SCIN: variants seen among roughly 807,000 people sequenced by gnomAD.
SCIN encodes the protein scinderin, also known as adseverin.
Under a neutral mutation model 91.8 loss-of-function variants are expected in SCIN, and 91 were observed. The observed-to-expected ratio is 0.99, with a 90% CI of 0.84 to 1.18. The LOEUF is 1.18. Among genes scored for constraint, SCIN ranks in the 50% most tolerant of loss-of-function variants. SCIN has a pLI of 0.00. For synonymous variants in SCIN, 367 were observed against 312.6 expected (o/e 1.17, Z -1.84); for missense variants, 1,087 against 863.9 (o/e 1.26, Z -3.24).
chr7:12,619,432 G>T (rs1234719200), intron 4 of SCIN, among the ~76,000 whole-genome samples: 1 of 152,094 alleles, frequency 6.6e-6, no homozygotes, highest in Non-Finnish European at 1.5e-5. Flanking sequence ...AGGATTAAGA[G>T]AGTAAAAGAG....
intron 5 of SCIN, 149 bp from the exon 6 acceptor site, chr7:12,624,861 C>T (rs1004750916): frequency 4.2e-5 from 25 of 601,176 alleles, no homozygotes; most frequent in Non-Finnish European, 4.9e-5. Flanking sequence ...ATAATTTATA[C>T]ACCATAAAAT....
intron 3 of SCIN, among the ~76,000 whole-genome samples, chr7:12,603,624 C>T (rs891245130): frequency 1.3e-5 from 2 of 152,000 alleles, no homozygotes; most frequent in African/African-American, 2.4e-5. Flanking sequence ...TATTATTTTA[C>T]GTTTGTATCC....
At chr7:12,591,537 A>G (rs965549119) in intron 3 of SCIN, among the ~76,000 whole-genome samples, 1 of 152,130 alleles carries the variant, frequency 6.6e-6, no homozygotes. Context: ...TCAGCAGTAT[A>G]GAGAGTGAAA....
chr7:12,647,575 T>C (rs1407108480), intron 13 of SCIN, among the ~76,000 whole-genome samples: 1 of 152,190 alleles, frequency 6.6e-6, no homozygotes, highest in Admixed American at 6.5e-5. Context: ...ACCTACTTCA[T>C]AGAGCTGTGA....
chr7:12,619,610 G>T (rs1046408248), intron 4 of SCIN, among the ~76,000 whole-genome samples: 1 of 152,098 alleles, frequency 6.6e-6, no homozygotes, highest in Non-Finnish European at 1.5e-5. Context: ...CTCTGAAGCT[G>T]GTCGATTATT....
At chr7:12,627,590 A>T (rs189190335) in intron 8 of SCIN, among the ~76,000 whole-genome samples, 1 of 152,330 alleles carries the variant, frequency 6.6e-6, no homozygotes, top group East Asian at 1.9e-4. Flanking sequence ...ATGGTCAAGA[A>T]ATTAGGGAAA....
chr7:12,620,831 A>G (rs1489251613), intron 4 of SCIN, among the ~76,000 whole-genome samples: 1 of 152,176 alleles, frequency 6.6e-6, no homozygotes, highest in Admixed American at 6.6e-5. Flanking sequence ...ACTTTTAAAC[A>G]GAAACTTACA....
chr7:12,578,589 C>T (rs939211331), intron 2 of SCIN, among the ~76,000 whole-genome samples: 1 of 152,050 alleles, frequency 6.6e-6, no homozygotes, highest in Non-Finnish European at 1.5e-5. Flanking sequence ...TCTAGAAAAT[C>T]TCTGAAGTTT....
rs994594583 is a variant in SCIN, at chr7:12,654,197, A to G, written c.*1482A>G. 3.9e-5 allele frequency: 6 copies of G among 152,200 alleles called. No homozygotes were observed. The highest frequency in any genetic ancestry group is 1.4e-4 in the African/African-American group (6 of 41,458). The allele number at this position is 152,200 out of a possible 1,614,324, so 9.4% of individuals were successfully genotyped here. The stretch of plus-strand genomic sequence containing the variant: ...CCTTCATGTGGAATGAAAAAACTAA[A>G]GAGACAACTGACTTACCACACAAAT... On this transcript the variant is annotated 3_prime_UTR_variant, in exon 16 of 16. Transcript: ENST00000297029.
At chr7:12,625,573 C>G (rs1256416621) in intron 6 of SCIN, among the ~76,000 whole-genome samples, 189 bp from the exon 7 acceptor site, 1 of 151,868 alleles carries the variant, frequency 6.6e-6, no homozygotes, top group African/African-American at 2.4e-5. Flanking sequence ...TCATGATCCA[C>G]CTGCCTTGGC....
chr7:12,654,967 T>C lies in SCIN; in HGVS notation c.*2252T>C, dbSNP rs1305970612. 2 of 152,194 alleles carry C rather than the reference T, an allele frequency of 1.3e-5. No individual in the cohort carries two copies. The highest frequency in any genetic ancestry group is 2.4e-5 in the African/African-American group (1 of 41,458). 9.4% of individuals were successfully genotyped at this position (152,194 alleles called of 1,614,324 possible). A position where few individuals can be genotyped will look rare whatever the true frequency, so the allele number is the denominator to read the frequency against. On this transcript the variant is annotated 3_prime_UTR_variant, in exon 16 of 16. Transcript: ENST00000297029. Reference sequence around the variant, plus strand: ...ATGAAGCATAAAATTAAAAATATGATACATTCACTACATGAAAATATGATA... The same window carrying C: ...ATGAAGCATAAAATTAAAAATATGACACATTCACTACATGAAAATATGATA...
intron 4 of SCIN, among the ~76,000 whole-genome samples, chr7:12,621,575 C>A (rs1783407858): frequency 6.7e-6 from 1 of 149,442 alleles, no homozygotes; most frequent in African/African-American, 2.5e-5. Flanking sequence ...ATGGCTCTTA[C>A]AAGCTATACA....
At chr7:12,620,594 G>A (rs1192643677) in intron 4 of SCIN, among the ~76,000 whole-genome samples, 1 of 152,092 alleles carries the variant, frequency 6.6e-6, no homozygotes, top group African/African-American at 2.4e-5. Context: ...TGCAGCCAGT[G>A]TCCAGGAATA....
intron 3 of SCIN, 31 bp downstream of exon 3, chr7:12,581,252 A>C: frequency 1.3e-6 from 2 of 1,539,008 alleles, no homozygotes; most frequent in Non-Finnish European, 1.8e-6. Flanking sequence ...TCGATGTCTA[A>C]AGAAAAGTGA....
At chr7:12,629,029 A>G (rs1223702796) in intron 8 of SCIN, 72 bp from the exon 9 acceptor site, 3 of 1,288,970 alleles carry the variant, frequency 2.3e-6, no homozygotes, top group Non-Finnish European at 3.1e-6. Flanking sequence ...ACCAAAAATT[A>G]TTTAAAGCTT....
intron 3 of SCIN, among the ~76,000 whole-genome samples, chr7:12,593,680 C>T (rs924095433): frequency 1.3e-5 from 2 of 152,102 alleles, no homozygotes; most frequent in African/African-American, 4.8e-5. Context: ...TCAAAATTTA[C>T]AGCCTATGGG....
chr7:12,636,213 A>G (rs1271877732), intron 10 of SCIN, 78 bp downstream of exon 10: 2 of 977,032 alleles, frequency 2.0e-6, no homozygotes, highest in East Asian at 2.6e-5. Flanking sequence ...CTCCCTCCCA[A>G]GTTGGGATAG....
At chr7:12,610,611 A>T (rs547337361) in intron 4 of SCIN, among the ~76,000 whole-genome samples, 1 of 152,304 alleles carries the variant, frequency 6.6e-6, no homozygotes, top group African/African-American at 2.4e-5. Context: ...AGTATGGCTT[A>T]AAAAATTCCC....
At chr7:12,607,796 T>C (rs1299807991) in intron 4 of SCIN, among the ~76,000 whole-genome samples, 1 of 152,196 alleles carries the variant, frequency 6.6e-6, no homozygotes, top group Non-Finnish European at 1.5e-5. Context: ...CAAGAAAGAG[T>C]AATTATTTGA....
Sources: gnomAD v4.1 joint callset for allele counts (sites outside exome capture counted in the v4.1 genomes callset) on GRCh38, gnomAD v4.1.1 for gene constraint, MANE v1.5 for transcripts, NCBI Gene and HGNC (gene_info 2026-07-23, HGNC 2026-07-21) for gene names.